Variants in EDIL3 observed in about 807,000 individuals in gnomAD.
The protein encoded by EDIL3 is EGF like and discoidin domains 3.
EDIL3 carries 37 observed loss-of-function variants against 67.4 expected under a neutral mutation model. That is an observed-to-expected ratio of 0.55 (90% CI 0.42 to 0.72). The LOEUF is 0.72. Among genes scored for constraint, EDIL3 ranks in the 30% least tolerant of loss-of-function variants. The pLI, the probability that EDIL3 is intolerant of heterozygous loss-of-function variation, is 0.00. For synonymous variants in EDIL3, 195 were observed against 196.3 expected (o/e 0.99, Z 0.05); for missense variants, 527 against 586.3 (o/e 0.90, Z 1.04).
chr5:84,317,810 C>T (rs545098021), intron 1 of EDIL3, among the ~76,000 whole-genome samples: 1 of 152,232 alleles, frequency 6.6e-6, no homozygotes, highest in African/African-American at 2.4e-5. Context: ...AAGTTCTGCT[C>T]AGGGTAATCA....
intron 3 of EDIL3, among the ~76,000 whole-genome samples, chr5:84,223,608 G>C (rs1744392351): frequency 6.6e-6 from 1 of 151,596 alleles, no homozygotes; most frequent in Admixed American, 6.6e-5. Context: ...CAGAATAGTG[G>C]TTACTGGGGT....
chr5:84,200,784 A>G (rs1480927680), intron 3 of EDIL3, among the ~76,000 whole-genome samples: 3 of 152,116 alleles, frequency 2.0e-5, no homozygotes, highest in Non-Finnish European at 4.4e-5. Flanking sequence ...GATAGTAAGT[A>G]AACACTTTCT....
chr5:83,990,234 A>T (rs1449381535), intron 9 of EDIL3, among the ~76,000 whole-genome samples: 1 of 152,172 alleles, frequency 6.6e-6, no homozygotes, highest in Non-Finnish European at 1.5e-5. Context: ...CATGACCATA[A>T]TCCCAGCACT....
At chr5:83,944,396 CTTTT>C (rs35919017) in intron 10 of EDIL3, among the ~76,000 whole-genome samples, 4 of 117,114 alleles carry the variant, frequency 3.4e-5, no homozygotes, top group East Asian at 2.4e-4. Flanking sequence ...TGTAAAAATG[CTTTT>C]TTTTTTTTTT....
At chr5:84,055,356 G>T (rs1206746513) in intron 9 of EDIL3, among the ~76,000 whole-genome samples, 5 of 146,158 alleles carry the variant, frequency 3.4e-5, no homozygotes, top group African/African-American at 1.1e-4. Flanking sequence ...ATAAAAACCC[G>T]AGAAGAAAAC....
At chr5:84,022,715 A>G (rs560296090) in intron 9 of EDIL3, among the ~76,000 whole-genome samples, 246 of 152,022 alleles carry the variant, frequency 1.6e-3, no homozygotes, top group Middle Eastern at 3.4e-3. Context: ...TCTCATCAAC[A>G]TACTATAGTA....
At chr5:84,344,325 A>G (rs1015824817) in intron 1 of EDIL3, among the ~76,000 whole-genome samples, 2 of 152,146 alleles carry the variant, frequency 1.3e-5, no homozygotes, top group Non-Finnish European at 2.9e-5. Context: ...TATGATTATT[A>G]ATGTCCTCCA....
At chr5:83,998,721 A>G (rs1580272053) in intron 9 of EDIL3, among the ~76,000 whole-genome samples, 1 of 152,220 alleles carries the variant, frequency 6.6e-6, no homozygotes, top group East Asian at 1.9e-4. Context: ...CATGAAGGGA[A>G]AGACACACAT....
chr5:84,066,855 A>C (rs576359047), intron 6 of EDIL3, among the ~76,000 whole-genome samples: 1 of 152,314 alleles, frequency 6.6e-6, no homozygotes, highest in Admixed American at 6.5e-5. Context: ...AATGTGCCCC[A>C]AAAACATAAG....
At chr5:84,141,233 T>C (rs1020431944) in intron 4 of EDIL3, among the ~76,000 whole-genome samples, 4 of 151,284 alleles carry the variant, frequency 2.6e-5, no homozygotes, top group Non-Finnish European at 4.4e-5. Context: ...ATTTATAGTT[T>C]ATTTATAATA....
chr5:84,163,525 C>G (rs1748649626), intron 4 of EDIL3, among the ~76,000 whole-genome samples: 1 of 152,010 alleles, frequency 6.6e-6, no homozygotes, highest in South Asian at 2.1e-4. Flanking sequence ...CAAAAATACA[C>G]TAAATATCTT....
At chr5:84,028,861 T>C (rs1745866140) in intron 9 of EDIL3, among the ~76,000 whole-genome samples, 2 of 152,118 alleles carry the variant, frequency 1.3e-5, no homozygotes, top group South Asian at 4.1e-4. Flanking sequence ...AAATTTCATC[T>C]TGAATTCCCA....
chr5:84,381,356 T>C (rs1165341375), intron 1 of EDIL3, among the ~76,000 whole-genome samples: 14 of 152,158 alleles, frequency 9.2e-5, no homozygotes, highest in Admixed American at 9.2e-4. Flanking sequence ...ATTTCAGAAT[T>C]ATTTTTGTAT....
chr5:84,082,009 T>G (rs1746979621), intron 6 of EDIL3, among the ~76,000 whole-genome samples: 1 of 152,232 alleles, frequency 6.6e-6, no homozygotes, highest in Non-Finnish European at 1.5e-5. Flanking sequence ...TTACTTTAAG[T>G]ATGTCCTAAC....
At chr5:84,089,925 T>C (rs1747135196) in intron 6 of EDIL3, among the ~76,000 whole-genome samples, 1 of 152,156 alleles carries the variant, frequency 6.6e-6, no homozygotes, top group African/African-American at 2.4e-5. Context: ...AATTAAAATG[T>C]AAATGGATTT....
intron 1 of EDIL3, among the ~76,000 whole-genome samples, chr5:84,345,942 A>G (rs1352894949): frequency 1.3e-5 from 2 of 152,162 alleles, no homozygotes; most frequent in African/African-American, 4.8e-5. Context: ...ATGTTTTCCA[A>G]ACTACTGAAG....
At chr5:84,217,723 C>CACAA (rs902783868) in intron 3 of EDIL3, among the ~76,000 whole-genome samples, 13 of 119,474 alleles carry the variant, frequency 1.1e-4, no homozygotes, top group Non-Finnish European at 1.9e-4. Context: ...TACACACAAA[C>CACAA]ACACACACAC....
intron 9 of EDIL3, among the ~76,000 whole-genome samples, chr5:84,053,244 T>C (rs1746375614): frequency 6.6e-6 from 1 of 152,180 alleles, no homozygotes; most frequent in African/African-American, 2.4e-5. Context: ...GAAATAAAGA[T>C]GTTCTTTGAA....
chr5:84,043,919 C>T (rs978099702), intron 9 of EDIL3, among the ~76,000 whole-genome samples: 2 of 151,904 alleles, frequency 1.3e-5, no homozygotes, highest in South Asian at 4.1e-4. Context: ...ACTTTAAGTT[C>T]TGGGATACAT....
Sources: allele counts gnomAD v4.1 joint callset (sites outside exome capture counted in the v4.1 genomes callset), GRCh38; gene constraint gnomAD v4.1.1; transcripts MANE v1.5; gene names NCBI Gene and HGNC (gene_info 2026-07-23, HGNC 2026-07-21).